The following RAB8B variants were observed in gnomAD, a reference collection of about 807,000 sequenced individuals.
RAB8B encodes ras-related protein Rab-8B.
In RAB8B, 11 loss-of-function variants were observed where a neutral mutation model predicts 32.0. The observed-to-expected ratio is 0.34, with a 90% CI of 0.22 to 0.57. RAB8B has a LOEUF of 0.57. Among genes scored for constraint, RAB8B ranks in the 20% least tolerant of loss-of-function variants. The pLI is 0.86. For missense variants in RAB8B, 190 were observed against 258.5 expected (o/e 0.73, Z 1.82); for synonymous variants, 103 against 89.6 (o/e 1.15, Z -0.85).
At chr15:63,246,968 A>G (rs1393303543) in intron 2 of RAB8B, among the ~76,000 whole-genome samples, 2 of 152,220 alleles carry the variant, frequency 1.3e-5, no homozygotes, top group Non-Finnish European at 1.5e-5. Context: ...GTTTCTTATT[A>G]TATGTGTTCC....
chr15:63,229,729 C>T (rs140882121), intron 1 of RAB8B, among the ~76,000 whole-genome samples: 18 of 129,360 alleles, frequency 1.4e-4, no homozygotes, highest in East Asian at 5.0e-4. Context: ...TGCAGTGAGC[C>T]GAGATTGCAC....
intron 1 of RAB8B, among the ~76,000 whole-genome samples, chr15:63,236,963 A>T (rs138503412): frequency 2.0e-5 from 3 of 152,100 alleles, no homozygotes; most frequent in Non-Finnish European, 4.4e-5. Context: ...AATCATTTTA[A>T]TTTTTAGCTC....
intron 1 of RAB8B, among the ~76,000 whole-genome samples, chr15:63,230,241 T>C (rs1462922324): frequency 6.6e-6 from 1 of 152,180 alleles, no homozygotes; most frequent in Non-Finnish European, 1.5e-5. Flanking sequence ...TCTTGTTAAC[T>C]AGATTCAGAA....
At chr15:63,209,616 T>C (rs1466673030) in intron 1 of RAB8B, among the ~76,000 whole-genome samples, 1 of 151,846 alleles carries the variant, frequency 6.6e-6, no homozygotes, top group Admixed American at 6.6e-5. Context: ...AAAGAAATAA[T>C]TTGATGAAAT....
intron 2 of RAB8B, among the ~76,000 whole-genome samples, chr15:63,247,922 T>C (rs1041457624): frequency 2.0e-5 from 3 of 152,210 alleles, no homozygotes; most frequent in African/African-American, 7.2e-5. Context: ...GAAAATGTTA[T>C]GAAGGTTACT....
intron 1 of RAB8B, among the ~76,000 whole-genome samples, chr15:63,208,984 C>T (rs59906576): frequency 0.38 from 57,436 of 150,540 alleles, 12,348 homozygotes; most frequent in Non-Finnish European, 0.5. Flanking sequence ...CCTCCACCTC[C>T]TGGGTTCAAG....
At chr15:63,220,738 C>A (rs1220335629) in intron 1 of RAB8B, among the ~76,000 whole-genome samples, 1 of 152,102 alleles carries the variant, frequency 6.6e-6, no homozygotes, top group Non-Finnish European at 1.5e-5. Flanking sequence ...TGATCAGTGT[C>A]AAGAAATGTT....
In RAB8B at chr15:63,207,754, C is replaced by T. The variant is rs140497931; in HGVS notation, c.124+18006C>T. Among the ~76,000 whole-genome samples the T allele has an allele frequency of 9.2e-5, 14 of 152,026 alleles. No homozygotes were observed. The East Asian group carries it at 2.5e-3, about 27-fold the overall frequency. On this transcript the variant is annotated intron_variant, in intron 1 of 7. Transcript: ENST00000321437. ...TTCTTTTTTGGTATTTTAGTAGAGA[C>T]GGGGTTTCACCATGTTGGCCAGGAT...
intron 1 of RAB8B, among the ~76,000 whole-genome samples, chr15:63,225,788 T>G (rs1374258485): frequency 6.6e-6 from 1 of 152,202 alleles, no homozygotes; most frequent in Non-Finnish European, 1.5e-5. Context: ...TCTTTTTCTT[T>G]TTTCTTGTTT....
At chr15:63,254,460 A>T (rs1474994357) in intron 3 of RAB8B, among the ~76,000 whole-genome samples, 2 of 152,086 alleles carry the variant, frequency 1.3e-5, no homozygotes, top group African/African-American at 4.8e-5. Flanking sequence ...AGGATCTAGT[A>T]TAGTATCAGG....
At chr15:63,224,884 C>T (rs868550660) in intron 1 of RAB8B, among the ~76,000 whole-genome samples, 7 of 152,160 alleles carry the variant, frequency 4.6e-5, no homozygotes, top group Non-Finnish European at 8.8e-5. Flanking sequence ...ACACAGAATC[C>T]TCATCTTTAG....
rs936973033 is a variant in RAB8B at position 63,259,576 on chromosome 15, A to G, written c.415-51A>G. 2 of 1,467,890 alleles carry G rather than the reference A, an allele frequency of 1.4e-6. No homozygotes were observed. Among genetic ancestry groups the G allele is most frequent in the African/African-American group, 1.4e-5 (1 of 71,784 alleles). 90.9% of individuals were successfully genotyped at this position (1,467,890 alleles called of 1,614,324 possible). A position where few individuals can be genotyped will look rare whatever the true frequency, so the allele number is the denominator to read the frequency against. On this transcript the variant is annotated intron_variant, in intron 5 of 7. Coordinates refer to ENST00000321437, the MANE Select transcript of RAB8B (RefSeq NM_016530.3). The surrounding 1 kb of genome is among the most constrained non-coding windows in gnomAD (Gnocchi z 4.4). ...AAAACCTAAGAAATACAAATGCATTATGTGTTCAAGTATCTTTTGCTAAAT... is the reference window on the plus strand; with the variant it reads ...AAAACCTAAGAAATACAAATGCATTGTGTGTTCAAGTATCTTTTGCTAAAT...
At chr15:63,218,997 G>C (rs1466002697) in intron 1 of RAB8B, among the ~76,000 whole-genome samples, 2 of 126,722 alleles carry the variant, frequency 1.6e-5, no homozygotes, top group African/African-American at 2.8e-5. Context: ...TTTTCTTCCA[G>C]CAGTGGATTT....
At chr15:63,260,410 T>C (rs942550445) in intron 6 of RAB8B, among the ~76,000 whole-genome samples, 1 of 152,220 alleles carries the variant, frequency 6.6e-6, no homozygotes, top group East Asian at 1.9e-4. Context: ...CACATTCCTT[T>C]AGCGTACACA....
At chr15:63,192,166 A>G (rs1476250860) in intron 1 of RAB8B, among the ~76,000 whole-genome samples, 4 of 152,238 alleles carry the variant, frequency 2.6e-5, no homozygotes, top group Non-Finnish European at 5.9e-5. Context: ...GAGCTCCAAC[A>G]GGAAGTGGTA....
At chr15:63,217,319 TA>T (rs2037801361) in intron 1 of RAB8B, among the ~76,000 whole-genome samples, 1 of 152,218 alleles carries the variant, frequency 6.6e-6, no homozygotes, top group Non-Finnish European at 1.5e-5. Flanking sequence ...CCTTTACATT[TA>T]AAAATATTGA....
chr15:63,201,338 C>A (rs1188050014), intron 1 of RAB8B, among the ~76,000 whole-genome samples: 1 of 152,100 alleles, frequency 6.6e-6, no homozygotes, highest in African/African-American at 2.4e-5. Flanking sequence ...GATTGGACCC[C>A]AAAGGAGGAG....
intron 1 of RAB8B, among the ~76,000 whole-genome samples, chr15:63,212,404 T>C (rs1391323647): frequency 6.6e-6 from 1 of 152,210 alleles, no homozygotes; most frequent in African/African-American, 2.4e-5. Flanking sequence ...TTTATTCTAG[T>C]CTAACCTCAT....
At chr15:63,225,307 CT>C in intron 1 of RAB8B, among the ~76,000 whole-genome samples, 1 of 152,130 alleles carries the variant, frequency 6.6e-6, no homozygotes, top group Non-Finnish European at 1.5e-5. Flanking sequence ...GAATTTCAGA[CT>C]TGACCAGGAC....
Sources: gnomAD v4.1 joint callset for allele counts (sites outside exome capture counted in the v4.1 genomes callset) on GRCh38, gnomAD v4.1.1 for gene constraint, Gnocchi (gnomAD v3.1) non-coding constraint, MANE v1.5 for transcripts, NCBI Gene and HGNC (gene_info 2026-07-23, HGNC 2026-07-21) for gene names.